The following EPHA6 variants were observed in gnomAD, a reference collection of about 807,000 sequenced individuals.
The protein encoded by EPHA6 is ephrin type-A receptor 6.
EPHA6 carries 50 observed loss-of-function variants against 112.0 expected under a neutral mutation model. The ratio of observed to expected loss-of-function variants is 0.45; its 90% CI spans 0.36 to 0.56. EPHA6 has a LOEUF of 0.56. Ranked by LOEUF, EPHA6 falls within the 20% of genes least tolerant of loss-of-function variation. EPHA6 has a pLI of 0.00. For missense variants in EPHA6, 1,280 were observed against 1,417.4 expected, an observed-to-expected ratio of 0.90 and a Z score of 1.56; for synonymous variants, 529 against 490.7, an observed-to-expected ratio of 1.08 and a Z score of -1.03.
intron 5 of EPHA6, among the ~76,000 whole-genome samples, chr3:97,297,621 G>C (rs2080921291): frequency 6.6e-6 from 1 of 152,114 alleles, no homozygotes; most frequent in South Asian, 2.1e-4. Context: ...AAAAATAGTA[G>C]TAAAGTCCAT....
chr3:97,502,769 G>A (rs1028490272), intron 10 of EPHA6, among the ~76,000 whole-genome samples: 7 of 140,146 alleles, frequency 5.0e-5, no homozygotes, highest in Admixed American at 2.4e-4. Context: ...GCGAGGTGGA[G>A]GTTGCAGTGA....
rs1553746307 is a variant in EPHA6 at position 97,324,425 on chromosome 3, C to CTT, written c.1606+80140_1606+80141dup. Among the ~76,000 whole-genome samples the CTT allele has an allele frequency of 3.3e-4, 48 of 143,414 alleles. 1 individual carries two copies. The highest frequency in any genetic ancestry group is 1.1e-3 in the South Asian group (5 of 4,464). 94.1% of individuals were successfully genotyped at this position (143,414 alleles called of 152,430 possible). On this transcript the variant is annotated intron_variant, in intron 5 of 17. Coordinates refer to ENST00000389672, the MANE Select transcript of EPHA6 (RefSeq NM_001080448.3). ...CCTTCTTTTCTTTCTTTCTTTCTTT[C>CTT]TTTCTTTCTTTCTTTCTTTCTTTCT...
chr3:97,738,257 G>C (rs538609455), intron 16 of EPHA6, among the ~76,000 whole-genome samples: 1 of 151,922 alleles, frequency 6.6e-6, no homozygotes, highest in East Asian at 2.0e-4. Flanking sequence ...GAGGTGACTT[G>C]GTCATGCTGT....
intron 11 of EPHA6, among the ~76,000 whole-genome samples, chr3:97,538,955 G>A (rs958026093): frequency 1.3e-5 from 2 of 151,744 alleles, no homozygotes; most frequent in Admixed American, 6.6e-5. Flanking sequence ...GAACTGCCTA[G>A]CTACTACATA....
intron 3 of EPHA6, among the ~76,000 whole-genome samples, chr3:97,143,141 A>G (rs1016425591): frequency 6.6e-6 from 1 of 151,814 alleles, no homozygotes; most frequent in Non-Finnish European, 1.5e-5. Context: ...GAACCAAATC[A>G]ATAACACAAT....
chr3:97,459,922 C>T (rs1577472418), intron 7 of EPHA6, among the ~76,000 whole-genome samples: 1 of 152,158 alleles, frequency 6.6e-6, no homozygotes, highest in Admixed American at 6.5e-5. Flanking sequence ...TCTGAAGATG[C>T]AGTAAATTAT....
chr3:96,814,745 C>T lies in EPHA6; in HGVS notation c.122C>T (p.Ser41Leu). ...PGPSCPVPGT[S>L]RRGRPGTPPA... ...CCCTCGTGCCCTGTTCCCGGGACCT[C>T]GCGCAGGGGGCGCCCCGGGACACCC... The change falls in exon 1 of 18, where the codon TCG becomes TTG. Residue 41 changes from serine (S) to leucine (L), a missense_variant. This residue lies in a region of EPHA6 where 220 missense variants were observed against 171.5 expected (regional missense o/e 1.28). Coordinates refer to ENST00000389672, the MANE Select transcript of EPHA6 (RefSeq NM_001080448.3). The T allele has an allele frequency of 6.3e-7, 1 of 1,591,884 alleles. No homozygotes were observed. Among genetic ancestry groups the T allele is most frequent in the Non-Finnish European group, 8.6e-7 (1 of 1,168,354 alleles).
intron 7 of EPHA6, among the ~76,000 whole-genome samples, chr3:97,474,519 T>C (rs1184309846): frequency 6.6e-6 from 1 of 151,962 alleles, no homozygotes; most frequent in East Asian, 1.9e-4. Context: ...TTCTTTAATT[T>C]TTCTGTGCTT....
At chr3:97,523,565 A>C (rs1245541855) in intron 10 of EPHA6, among the ~76,000 whole-genome samples, 1 of 152,016 alleles carries the variant, frequency 6.6e-6, no homozygotes, top group Admixed American at 6.6e-5. Context: ...GTTGAAGCCC[A>C]TTCTTTTTCT....
intron 10 of EPHA6, among the ~76,000 whole-genome samples, chr3:97,494,553 G>C (rs2091928764): frequency 6.6e-6 from 1 of 152,086 alleles, no homozygotes; most frequent in Non-Finnish European, 1.5e-5. Context: ...TGATTGTTGT[G>C]AGAAGAAAAT....
At chr3:97,204,287 A>G (rs1291634069) in intron 3 of EPHA6, among the ~76,000 whole-genome samples, 1 of 152,138 alleles carries the variant, frequency 6.6e-6, no homozygotes, top group East Asian at 1.9e-4. Flanking sequence ...GGTTAGATAA[A>G]TCATATATAA....
intron 3 of EPHA6, among the ~76,000 whole-genome samples, chr3:97,088,427 T>C (rs2046968766): frequency 6.6e-6 from 1 of 152,128 alleles, no homozygotes; most frequent in Admixed American, 6.6e-5. Context: ...TAGGGACTCA[T>C]TCTGTCTCCA....
chr3:97,443,708 G>C (rs574788439), intron 6 of EPHA6, among the ~76,000 whole-genome samples: 2 of 152,240 alleles, frequency 1.3e-5, no homozygotes, highest in Admixed American at 1.3e-4. Context: ...TTTGAAATGT[G>C]TATTTAAACA....
chr3:97,184,946 C>G (rs563420447), intron 3 of EPHA6, among the ~76,000 whole-genome samples: 64 of 152,050 alleles, frequency 4.2e-4, no homozygotes, highest in Admixed American at 1.0e-3. Flanking sequence ...ACAAACCTGA[C>G]AAAAACAAGC....
intron 10 of EPHA6, among the ~76,000 whole-genome samples, chr3:97,492,547 CAAAAAAAAAAAAAAAAAAAAAA>C (rs780244403): frequency 0.018 from 528 of 28,876 alleles, 25 homozygotes; most frequent in African/African-American, 0.028. Context: ...GACTCAGTCT[CAAAAAAAAAAAAAAAAAAAAAA>C]AAAAAAAAAA....
At chr3:97,178,815 C>T (rs1028177434) in intron 3 of EPHA6, among the ~76,000 whole-genome samples, 23 of 152,036 alleles carry the variant, frequency 1.5e-4, no homozygotes, top group Admixed American at 1.4e-3. Context: ...CATTAAATGC[C>T]TTGAGGTAGT....
chr3:97,409,767 T>A (rs2087588695), intron 6 of EPHA6, among the ~76,000 whole-genome samples: 1 of 152,086 alleles, frequency 6.6e-6, no homozygotes, highest in Admixed American at 6.6e-5. Context: ...ACACTGTGAC[T>A]GTTAAAGTCT....
At chr3:97,695,435 T>C (rs749679752) in intron 14 of EPHA6, among the ~76,000 whole-genome samples, 1 of 152,256 alleles carries the variant, frequency 6.6e-6, no homozygotes, top group Non-Finnish European at 1.5e-5. Flanking sequence ...TATTCAAACA[T>C]TTGACAGTGA....
chr3:97,583,777 A>G (rs1415301431), intron 11 of EPHA6, among the ~76,000 whole-genome samples: 1 of 152,208 alleles, frequency 6.6e-6, no homozygotes, highest in East Asian at 1.9e-4. Context: ...GTGGATATCA[A>G]CAAACTGACT....
Sources: gnomAD v4.1 joint callset for allele counts (sites outside exome capture counted in the v4.1 genomes callset) on GRCh38, gnomAD v4.1.1 for gene constraint, gnomAD v4.1.1 regional missense constraint, MANE v1.5 for transcripts, NCBI Gene and HGNC (gene_info 2026-07-23, HGNC 2026-07-21) for gene names.